Variants in SPOCK1 observed in about 807,000 individuals in gnomAD.
SPOCK1 encodes SPARC (osteonectin), cwcv and kazal like domains proteoglycan 1, also known as testican-1.
SPOCK1 carries 23 observed loss-of-function variants against 55.3 expected under a neutral mutation model. The ratio of observed to expected loss-of-function variants is 0.42; its 90% CI spans 0.30 to 0.59. The LOEUF (loss-of-function observed/expected upper bound fraction) is 0.59. SPOCK1 is among the 20% of genes least tolerant of loss of function. The probability of loss-of-function intolerance (pLI) is 0.22; values close to 1 mark genes in which losing one functional copy is unlikely to be tolerated. For missense variants in SPOCK1, 499 were observed against 552.5 expected, an observed-to-expected ratio of 0.90 and a Z score of 0.97; for synonymous variants, 226 against 221.0, an observed-to-expected ratio of 1.02 and a Z score of -0.20.
intron 5 of SPOCK1, among the ~76,000 whole-genome samples, chr5:137,097,333 T>C (rs1222101217): frequency 6.6e-6 from 1 of 152,204 alleles, no homozygotes; most frequent in African/African-American, 2.4e-5. Context: ...CTGAGAAGGT[T>C]CCAGTACAGT....
At chr5:137,031,963 ATG>A (rs1751788550) in intron 6 of SPOCK1, among the ~76,000 whole-genome samples, 1 of 149,562 alleles carries the variant, frequency 6.7e-6, no homozygotes, top group African/African-American at 2.4e-5. Flanking sequence ...ATATATATGC[ATG>A]TGTGTGTATA....
intron 2 of SPOCK1, among the ~76,000 whole-genome samples, chr5:137,380,812 T>C (rs1295966927): frequency 6.6e-6 from 1 of 152,166 alleles, no homozygotes; most frequent in Non-Finnish European, 1.5e-5. Flanking sequence ...ATTCCATCCC[T>C]GGCCCCTTCC....
chr5:137,465,387 T>TA (rs1753598371), intron 2 of SPOCK1, among the ~76,000 whole-genome samples: 1 of 152,162 alleles, frequency 6.6e-6, no homozygotes, highest in Non-Finnish European at 1.5e-5. Context: ...CCTTGGAATA[T>TA]AAAATCCAAG....
chr5:137,499,132 G>A lies in SPOCK1; in HGVS notation c.-1+47C>T, dbSNP rs563783350. Reference sequence around the variant, plus strand: ...CAGCCCCCTAGGCGGCCGCGGGGAGGTCCCAACTACTCCAAGTTGGGGCGC... The same window carrying A: ...CAGCCCCCTAGGCGGCCGCGGGGAGATCCCAACTACTCCAAGTTGGGGCGC... On this transcript the variant is annotated intron_variant, in intron 1 of 10. Transcript: ENST00000394945. 2.0e-5 allele frequency: 3 copies of A among 152,320 alleles called. No homozygotes were observed. In the East Asian group the frequency reaches 5.8e-4, roughly 30 times the overall value. 9.4% of individuals were successfully genotyped at this position (152,320 alleles called of 1,614,324 possible).
chr5:137,114,249 C>A (rs1459198663), intron 4 of SPOCK1, among the ~76,000 whole-genome samples: 1 of 152,278 alleles, frequency 6.6e-6, no homozygotes, highest in Non-Finnish European at 1.5e-5. Context: ...GTCTTACTAG[C>A]GGGGAAAACT....
intron 6 of SPOCK1, among the ~76,000 whole-genome samples, chr5:137,056,409 C>T (rs976952237): frequency 5.9e-5 from 9 of 151,908 alleles, no homozygotes; most frequent in Admixed American, 6.6e-5. Flanking sequence ...GGACATGATG[C>T]CGTCCACTCC....
At position 137,329,462 on chromosome 5, in the gene SPOCK1, T is replaced by C. The variant is rs916214339; in HGVS notation, c.187-62407A>G. Among the ~76,000 whole-genome samples, 3 of 152,284 alleles carry C rather than the reference T, an allele frequency of 2.0e-5. No homozygotes were observed. In the South Asian group the frequency reaches 6.2e-4, roughly 32 times the overall value. On this transcript the variant is annotated intron_variant, in intron 2 of 10. Transcript: ENST00000394945. ...TTTCTCTGGAGAACCCTAATACAGA[T>C]GCCTTGCATCACAGAAATCCAACTG...
intron 3 of SPOCK1, among the ~76,000 whole-genome samples, chr5:137,164,274 A>G (rs1754609430): frequency 6.6e-6 from 1 of 151,804 alleles, no homozygotes; most frequent in Non-Finnish European, 1.5e-5. Context: ...TCAGCCACAC[A>G]CCGGTCAGTG....
chr5:137,098,163 C>T (rs1168274949), intron 5 of SPOCK1, among the ~76,000 whole-genome samples: 1 of 151,816 alleles, frequency 6.6e-6, no homozygotes, highest in African/African-American at 2.4e-5. Context: ...CTCTTCCAGA[C>T]AAGTGTTATT....
chr5:137,291,640 A>G (rs1186892139), intron 2 of SPOCK1, among the ~76,000 whole-genome samples: 1 of 152,210 alleles, frequency 6.6e-6, no homozygotes. Flanking sequence ...TTGAGCAAGG[A>G]GAGGGGTAAG....
chr5:137,354,851 GT>G (rs1310292564), intron 2 of SPOCK1, among the ~76,000 whole-genome samples: 1 of 152,092 alleles, frequency 6.6e-6, no homozygotes, highest in East Asian at 1.9e-4. Context: ...CTGCTTTCAG[GT>G]ATCACTTATT....
At chr5:137,070,420 A>T (rs774746934) in intron 5 of SPOCK1, among the ~76,000 whole-genome samples, 11 of 152,224 alleles carry the variant, frequency 7.2e-5, no homozygotes, top group Non-Finnish European at 1.5e-4. Context: ...GGTTTTAGTT[A>T]GTGTTTTATC....
chr5:137,218,807 C>T (rs1195881595), intron 3 of SPOCK1, among the ~76,000 whole-genome samples: 1 of 152,146 alleles, frequency 6.6e-6, no homozygotes, highest in Non-Finnish European at 1.5e-5. Flanking sequence ...GGAGGAGCTC[C>T]TTCTCATCAG....
intron 6 of SPOCK1, among the ~76,000 whole-genome samples, chr5:137,013,645 C>T (rs992458640): frequency 2.0e-5 from 3 of 152,178 alleles, no homozygotes; most frequent in African/African-American, 7.2e-5. Flanking sequence ...TCTCTAACAC[C>T]TGTAAAACTA....
rs1393540416 is a variant in SPOCK1, at chr5:137,420,751, C to T, written c.186+77622G>A. Among the ~76,000 whole-genome samples the T allele has an allele frequency of 2.9e-4, 44 of 152,248 alleles. No individual in the cohort carries two copies. In the South Asian group the frequency reaches 3.1e-3, roughly 11 times the overall value. On this transcript the variant is annotated intron_variant, in intron 2 of 10. Coordinates refer to ENST00000394945, the MANE Select transcript of SPOCK1 (RefSeq NM_004598.4). ...GTTGATCTTTTCAAAAAACCAGCTC[C>T]TGGGTTCATTGATTTTTTGAAGGGT...
chr5:137,396,189 G>A (rs1278443810), intron 2 of SPOCK1, among the ~76,000 whole-genome samples: 1 of 151,972 alleles, frequency 6.6e-6, no homozygotes, highest in Non-Finnish European at 1.5e-5. Context: ...AATTTCCTGG[G>A]ATAAAAAATT....
intron 5 of SPOCK1, among the ~76,000 whole-genome samples, chr5:137,091,341 G>A (rs1008345694): frequency 2.6e-5 from 4 of 152,212 alleles, no homozygotes; most frequent in African/African-American, 9.6e-5. Flanking sequence ...GCCAGGATAA[G>A]AAGACAACCC....
At chr5:137,394,085 C>G (rs1751788419) in intron 2 of SPOCK1, among the ~76,000 whole-genome samples, 1 of 152,094 alleles carries the variant, frequency 6.6e-6, no homozygotes, top group African/African-American at 2.4e-5. Context: ...TCAGCCAAAC[C>G]CCAGGCAATG....
chr5:137,361,414 A>G (rs368241915), intron 2 of SPOCK1, among the ~76,000 whole-genome samples: 1 of 152,220 alleles, frequency 6.6e-6, no homozygotes, highest in East Asian at 1.9e-4. Flanking sequence ...GGTCTGGGAT[A>G]TAAGAGGCAC....
Sources: allele counts gnomAD v4.1 joint callset (sites outside exome capture counted in the v4.1 genomes callset), GRCh38; gene constraint gnomAD v4.1.1; transcripts MANE v1.5; gene names NCBI Gene and HGNC (gene_info 2026-07-23, HGNC 2026-07-21).